CLDN16: variants seen among roughly 807,000 people sequenced by gnomAD.
CLDN16 encodes claudin 16, also known as claudin-16.
A neutral mutation model predicts 24.6 loss-of-function variants in CLDN16; 13 were observed. The ratio of observed to expected loss-of-function variants is 0.53; its 90% CI spans 0.34 to 0.84. CLDN16 has a LOEUF of 0.84. Among genes scored for constraint, CLDN16 ranks in the 40% least tolerant of loss-of-function variants. CLDN16 has a pLI of 0.01. For synonymous variants in CLDN16, 116 were observed against 106.7 expected (o/e 1.09, Z -0.54); for missense variants, 298 against 292.7 (o/e 1.02, Z -0.13).
the CLDN16 span, among the ~76,000 whole-genome samples, chr3:190,302,762 AC>A: frequency 1.3e-5 from 1 of 76,338 alleles, no homozygotes; most frequent in Non-Finnish European, 2.6e-5. Context: ...CAGGAGTGAA[AC>A]CCTGTCTCAA....
At chr3:190,325,985 G>T (rs975299904) in intron 1 of CLDN16, among the ~76,000 whole-genome samples, 1 of 152,130 alleles carries the variant, frequency 6.6e-6, no homozygotes, top group East Asian at 1.9e-4. Context: ...TTTTAAAATG[G>T]CCCTTTGAAG....
At chr3:190,385,013 C>T (rs2081482087), upstream of CLDN16, among the ~76,000 whole-genome samples, 1 of 152,056 alleles carries the variant, frequency 6.6e-6, no homozygotes, top group South Asian at 2.1e-4. Flanking sequence ...GTCAGAATTA[C>T]CTGAATGGAG....
At chr3:190,407,424 A>G (rs918129718) in intron 3 of CLDN16, among the ~76,000 whole-genome samples, 1 of 152,136 alleles carries the variant, frequency 6.6e-6, no homozygotes. Context: ...ATCCAACTCA[A>G]GCAGACTTAG....
chr3:190,310,248 C>G, the CLDN16 span: 2 of 1,612,728 alleles, frequency 1.2e-6, no homozygotes, highest in Non-Finnish European at 1.7e-6. Flanking sequence ...ACTAAAATAG[C>G]CAGACCTATA....
intron 2 of CLDN16, among the ~76,000 whole-genome samples, chr3:190,373,732 C>T (rs1213814984): frequency 3.3e-5 from 5 of 151,732 alleles, no homozygotes; most frequent in Admixed American, 6.6e-5. Flanking sequence ...GCTAGTCCAG[C>T]GCTCAGGACG....
At chr3:190,346,778 C>A (rs1013069391) in intron 1 of CLDN16, among the ~76,000 whole-genome samples, 2 of 152,130 alleles carry the variant, frequency 1.3e-5, no homozygotes, top group African/African-American at 4.8e-5. Context: ...GCTTGCAGAT[C>A]CATCACCCCA....
the CLDN16 span, among the ~76,000 whole-genome samples, chr3:190,295,852 A>G: frequency 6.6e-6 from 1 of 152,202 alleles, no homozygotes; most frequent in Non-Finnish European, 1.5e-5. Flanking sequence ...CTAGGCTTAT[A>G]ACTCACTCTA....
In CLDN16 at chr3:190,402,339, G is replaced by T. The variant is rs528344809; in HGVS notation, c.117G>T (p.Val39=). The T allele has an allele frequency of 6.2e-7, 1 of 1,613,016 alleles. No individual in the cohort carries two copies. The highest frequency in any genetic ancestry group is 1.7e-5 in the Admixed American group (1 of 60,014). ...WMVNADDSLE[V]STKCRGLWWE... ...ACGGTGTCTTCTCTAACATCTAGGTGAGCACAAAATGCCGAGGCCTCTGGT... is the reference window on the plus strand; with the variant it reads ...ACGGTGTCTTCTCTAACATCTAGGTTAGCACAAAATGCCGAGGCCTCTGGT... The change falls in exon 2 of 5, where the codon GTG becomes GTT. Residue 39 remains valine, a splice_region_variant and synonymous_variant. Coordinates refer to ENST00000264734, the MANE Select transcript of CLDN16 (RefSeq NM_006580.4).
At chr3:190,375,025 C>G (rs1395297968) in intron 3 of CLDN16, among the ~76,000 whole-genome samples, 1 of 151,868 alleles carries the variant, frequency 6.6e-6, no homozygotes, top group East Asian at 1.9e-4. Flanking sequence ...GAGGCATATA[C>G]TTATAAAACT....
At chr3:190,301,502 AG>A in the CLDN16 span, among the ~76,000 whole-genome samples, 25 of 83,554 alleles carry the variant, frequency 3.0e-4, no homozygotes, top group African/African-American at 1.4e-3. Context: ...TCAAAAAAAA[AG>A]AAGAAGAAGA....
chr3:190,299,867 T>A, the CLDN16 span, among the ~76,000 whole-genome samples: 1 of 152,246 alleles, frequency 6.6e-6, no homozygotes, highest in Non-Finnish European at 1.5e-5. Flanking sequence ...ATCCTTCTTT[T>A]GCGTCTTCAT....
At chr3:190,323,147 T>C (rs188135652) in intron 1 of CLDN16, among the ~76,000 whole-genome samples, 1 of 152,176 alleles carries the variant, frequency 6.6e-6, no homozygotes, top group Non-Finnish European at 1.5e-5. Flanking sequence ...TTTGATGTAT[T>C]ATTGTCCTTA....
At chr3:190,357,224 G>T (rs1388148844) in intron 1 of CLDN16, among the ~76,000 whole-genome samples, 1 of 151,838 alleles carries the variant, frequency 6.6e-6, no homozygotes, top group African/African-American at 2.4e-5. Context: ...CTGTAGATGA[G>T]CTTCTAAAAT....
chr3:190,386,603 G>A (rs1372316289), upstream of CLDN16, among the ~76,000 whole-genome samples: 1 of 152,142 alleles, frequency 6.6e-6, no homozygotes, highest in Non-Finnish European at 1.5e-5. Context: ...TCAGAACAGT[G>A]TTCAATTTAC....
chr3:190,317,559 A>C (rs1398652596), upstream of CLDN16, among the ~76,000 whole-genome samples: 2 of 152,244 alleles, frequency 1.3e-5, no homozygotes, highest in African/African-American at 4.8e-5. Flanking sequence ...TTGCTACACA[A>C]GTAGTAGAAT....
At chr3:190,307,331 G>A in the CLDN16 span, 1 of 152,166 alleles carries the variant, frequency 6.6e-6, no homozygotes, top group African/African-American at 2.4e-5. Context: ...GAACAAAAAG[G>A]TAGTTTAGGG....
intron 1 of CLDN16, among the ~76,000 whole-genome samples, chr3:190,395,021 G>T (rs1190954792): frequency 1.3e-5 from 2 of 152,046 alleles, no homozygotes; most frequent in East Asian, 3.9e-4. Context: ...TTGATAATTT[G>T]TAATAATTTA....
chr3:190,410,062 A>T lies in CLDN16; in HGVS notation c.*26A>T. ...AATGCACGTTTCAGGGTGTGTTTGC[A>T]TATGATTTAATCAATCAGTATGGTT... On this transcript the variant is annotated 3_prime_UTR_variant, in exon 5 of 5. Coordinates refer to ENST00000264734, the MANE Select transcript of CLDN16 (RefSeq NM_006580.4). The T allele has an allele frequency of 6.2e-7, 1 of 1,613,360 alleles. No homozygotes were observed. The highest frequency in any genetic ancestry group is 8.5e-7 in the Non-Finnish European group (1 of 1,179,262).
upstream of CLDN16, among the ~76,000 whole-genome samples, chr3:190,387,251 T>C (rs912017836): frequency 1.3e-5 from 2 of 152,234 alleles, no homozygotes; most frequent in Non-Finnish European, 2.9e-5. Flanking sequence ...ATGGAATTTG[T>C]AGACCCATTA....
Sources: gnomAD v4.1 joint callset for allele counts (sites outside exome capture counted in the v4.1 genomes callset) on GRCh38, gnomAD v4.1.1 for gene constraint, MANE v1.5 for transcripts, NCBI Gene and HGNC (gene_info 2026-07-23, HGNC 2026-07-21) for gene names.